Variants in GRID2 observed in about 807,000 individuals in gnomAD.
GRID2 encodes the protein glutamate receptor ionotropic, delta-2.
GRID2 carries 33 observed loss-of-function variants against 114.8 expected under a neutral mutation model. The observed-to-expected ratio is 0.29, with a 90% CI of 0.22 to 0.38. The LOEUF is 0.38. Among genes scored for constraint, GRID2 ranks in the 10% least tolerant of loss-of-function variants. GRID2 has a pLI of 1.00. For synonymous variants in GRID2, 505 were observed against 449.9 expected, an observed-to-expected ratio of 1.12 and a Z score of -1.55; for missense variants, 1,184 against 1,257.7, an observed-to-expected ratio of 0.94 and a Z score of 0.89.
At chr4:92,847,086 A>G (rs1466097900) in intron 2 of GRID2, among the ~76,000 whole-genome samples, 2 of 152,070 alleles carry the variant, frequency 1.3e-5, no homozygotes, top group Non-Finnish European at 2.9e-5. Flanking sequence ...AAGTCAATCC[A>G]TGGCCATTTT....
intron 2 of GRID2, among the ~76,000 whole-genome samples, chr4:92,624,521 C>T (rs776994230): frequency 1.3e-5 from 2 of 151,690 alleles, no homozygotes; most frequent in Non-Finnish European, 2.9e-5. Context: ...ATGGAATGCT[C>T]GTATTGAATT....
intron 13 of GRID2, among the ~76,000 whole-genome samples, chr4:93,588,964 T>C (rs1157864634): frequency 1.3e-5 from 2 of 152,064 alleles, no homozygotes; most frequent in Non-Finnish European, 2.9e-5. Flanking sequence ...ATATACATTA[T>C]ACCCAGAATG....
chr4:92,729,073 C>T (rs1736204023), intron 2 of GRID2, among the ~76,000 whole-genome samples: 1 of 151,938 alleles, frequency 6.6e-6, no homozygotes, highest in African/African-American at 2.4e-5. Flanking sequence ...GGCTGCCTAC[C>T]ATGCTACCTC....
chr4:93,645,125 A>G (rs1721991783), intron 14 of GRID2, among the ~76,000 whole-genome samples: 1 of 152,188 alleles, frequency 6.6e-6, no homozygotes, highest in Non-Finnish European at 1.5e-5. Context: ...AGTGAAGGCA[A>G]AAGAAATGAA....
chr4:93,374,077 C>T (rs773924517), intron 8 of GRID2, among the ~76,000 whole-genome samples: 10 of 152,098 alleles, frequency 6.6e-5, no homozygotes, highest in Non-Finnish European at 1.5e-4. Flanking sequence ...ACTTAAATGC[C>T]TAAGACAGGT....
chr4:93,265,374 C>T (rs1207803031), intron 8 of GRID2, among the ~76,000 whole-genome samples: 1 of 152,128 alleles, frequency 6.6e-6, no homozygotes, highest in Non-Finnish European at 1.5e-5. Context: ...ATCAATCTAA[C>T]CAAGTTGTGG....
At chr4:93,113,044 C>T (rs1732916030) in intron 4 of GRID2, among the ~76,000 whole-genome samples, 1 of 152,154 alleles carries the variant, frequency 6.6e-6, no homozygotes, top group Middle Eastern at 3.2e-3. Context: ...GATGGCACAA[C>T]TTTACCCATA....
At chr4:93,733,531 T>G (rs1335931917) in intron 14 of GRID2, among the ~76,000 whole-genome samples, 1 of 152,158 alleles carries the variant, frequency 6.6e-6, no homozygotes, top group Non-Finnish European at 1.5e-5. Flanking sequence ...ATGGAAATAA[T>G]AGGCATTCAG....
At chr4:93,717,073 G>T (rs866683245) in intron 14 of GRID2, among the ~76,000 whole-genome samples, 1 of 152,114 alleles carries the variant, frequency 6.6e-6, no homozygotes, top group African/African-American at 2.4e-5. Context: ...TATTCAATAA[G>T]AGTCTTCTTT....
intron 7 of GRID2, among the ~76,000 whole-genome samples, chr4:93,225,625 T>C (rs1479191113): frequency 1.3e-5 from 2 of 151,900 alleles, no homozygotes; most frequent in Non-Finnish European, 1.5e-5. Flanking sequence ...AGCTAGTCAA[T>C]TGAAATATAA....
Position 93,657,888 on chromosome 4 carries a change from G to A in GRID2, c.2360+31453G>A, listed in dbSNP as rs567747884. Among the ~76,000 whole-genome samples the A allele has an allele frequency of 6.6e-5, 10 of 152,272 alleles. No individual in the cohort carries two copies. The South Asian group carries it at 1.9e-3, about 28-fold the overall frequency. ...AATACAGCTGCCAATTTGCTTTTGA[G>A]GGCAATCAAGATGTTCATTAGTAAT... On this transcript the variant is annotated intron_variant, in intron 14 of 15. Transcript: ENST00000282020.
intron 2 of GRID2, among the ~76,000 whole-genome samples, chr4:93,013,801 G>T (rs949872795): frequency 1.3e-5 from 2 of 151,376 alleles, no homozygotes; most frequent in African/African-American, 2.4e-5. Context: ...AAAATTAAAG[G>T]ATATATATAT....
intron 12 of GRID2, among the ~76,000 whole-genome samples, chr4:93,496,550 C>CA (rs1727567030): frequency 6.6e-6 from 1 of 151,734 alleles, no homozygotes; most frequent in Non-Finnish European, 1.5e-5. Flanking sequence ...TTACCAACCC[C>CA]AACCTCTGGT....
intron 2 of GRID2, among the ~76,000 whole-genome samples, chr4:92,924,484 C>T (rs904257885): frequency 1.3e-5 from 2 of 151,812 alleles, no homozygotes; most frequent in African/African-American, 4.8e-5. Flanking sequence ...GTCACCATTT[C>T]TGAAATTAAG....
At chr4:93,350,285 C>G (rs1190402898) in intron 8 of GRID2, among the ~76,000 whole-genome samples, 1 of 152,078 alleles carries the variant, frequency 6.6e-6, no homozygotes, top group Non-Finnish European at 1.5e-5. Context: ...GCTTTTCTCC[C>G]CAATCACTTC....
At position 93,722,481 on chromosome 4, in the gene GRID2, A is replaced by G. The variant is rs1416709575; in HGVS notation, c.2361-46729A>G. ...TAATCAACACATCAGTGTCACTTCAAACACATATCTAGAATCAAGTTCATA... is the reference window on the plus strand; with the variant it reads ...TAATCAACACATCAGTGTCACTTCAGACACATATCTAGAATCAAGTTCATA... On this transcript the variant is annotated intron_variant, in intron 14 of 15. Coordinates refer to ENST00000282020, the MANE Select transcript of GRID2 (RefSeq NM_001510.4). 3.3e-5 allele frequency among the ~76,000 whole-genome samples: 5 copies of G among 152,288 alleles called. No individual in the cohort carries two copies. In the East Asian group the frequency reaches 9.6e-4, roughly 29 times the overall value.
At chr4:92,418,633 G>C (rs139927567) in intron 1 of GRID2, among the ~76,000 whole-genome samples, 1 of 152,044 alleles carries the variant, frequency 6.6e-6, no homozygotes, top group African/African-American at 2.4e-5. Flanking sequence ...TAAAAAGATA[G>C]AGGCGGGAAA....
At chr4:92,507,742 G>A (rs969876205) in intron 1 of GRID2, among the ~76,000 whole-genome samples, 2 of 151,540 alleles carry the variant, frequency 1.3e-5, no homozygotes, top group South Asian at 2.1e-4. Flanking sequence ...TCTTGCCTCA[G>A]TTGCTTCCTG....
intron 4 of GRID2, among the ~76,000 whole-genome samples, chr4:93,144,477 A>G (rs1367332009): frequency 2.0e-5 from 3 of 152,214 alleles, no homozygotes; most frequent in African/African-American, 4.8e-5. Context: ...ACTGCAGTCC[A>G]TAAGGGCCTT....
Sources: allele counts gnomAD v4.1 joint callset (sites outside exome capture counted in the v4.1 genomes callset), GRCh38; gene constraint gnomAD v4.1.1; transcripts MANE v1.5; gene names NCBI Gene and HGNC (gene_info 2026-07-23, HGNC 2026-07-21).